BAHCC1: variants seen among roughly 807,000 people sequenced by gnomAD.
BAHCC1 encodes BAH and coiled-coil domain-containing protein 1.
A neutral mutation model predicts 88.2 loss-of-function variants in BAHCC1; 43 were observed. That is an observed-to-expected ratio of 0.49 (90% CI 0.38 to 0.63). BAHCC1 has a LOEUF of 0.63. BAHCC1 is among the 20% of genes least tolerant of loss of function. BAHCC1 has a pLI of 0.00. For synonymous variants in BAHCC1, 1,510 were observed against 745.5 expected (o/e 2.03, Z -16.71); for missense variants, 3,023 against 1,654.8 (o/e 1.83, Z -14.34).
Position 81,459,502 on chromosome 17 carries a change from G to A in BAHCC1, c.5803G>A (p.Asp1935Asn), listed in dbSNP as rs1555658531. 3.8e-6 allele frequency: 3 copies of A among 779,328 alleles called. No individual in the cohort carries two copies. The highest frequency in any genetic ancestry group is 7.2e-6 in the Non-Finnish European group (3 of 417,838). 48.3% of individuals were successfully genotyped at this position (779,328 alleles called of 1,614,324 possible). ...LEQLLQEAVL[D>N]VRPQSSRYLP... is the part of the protein sequence containing the mutation. ...GTCGCCCGCGTTCCTGCAGGTTCTCGATGTGCGGCCACAGTCCAGCCGGTA... is the reference window on the plus strand; with the variant it reads ...GTCGCCCGCGTTCCTGCAGGTTCTCAATGTGCGGCCACAGTCCAGCCGGTA... Residue 1935 changes from aspartate to asparagine, a missense_variant, in exon 23 of 28, where the codon GAT becomes AAT. Asp to Asn is a conservative substitution (Grantham distance 23). Transcript: ENST00000675386.
In BAHCC1 at chr17:81,464,471, G is replaced by A. The variant is rs1555660269; in HGVS notation, c.*654G>A. The stretch of plus-strand genomic sequence containing the variant: ...CTTGACGGCACCCTCTGATCTCTTG[G>A]GGGGACGACCGTGTAAGATGAAAGT... On this transcript the variant is annotated 3_prime_UTR_variant, in exon 28 of 28. Transcript: ENST00000675386. 6.5e-6 allele frequency: 1 copy of A among 154,108 alleles called. No individual in the cohort carries two copies. The highest frequency in any genetic ancestry group is 1.9e-4 in the East Asian group (1 of 5,204). The allele number at this position is 154,108 out of a possible 1,614,324, so 9.5% of individuals were successfully genotyped here. A position where few individuals can be genotyped will look rare whatever the true frequency, so the allele number is the denominator to read the frequency against.
chr17:81,457,071 G>A (rs782319198), intron 16 of BAHCC1, among the ~76,000 whole-genome samples: 1 of 152,182 alleles, frequency 6.6e-6, no homozygotes, highest in African/African-American at 2.4e-5. Flanking sequence ...GGCCGCTTGG[G>A]GCTGGGGGAG....
Position 81,464,497 on chromosome 17 carries a change from C to A in BAHCC1, c.*680C>A, listed in dbSNP as rs1318605270. 6.5e-6 allele frequency: 1 copy of A among 152,844 alleles called. No individual in the cohort carries two copies. Among genetic ancestry groups the A allele is most frequent in the East Asian group, 1.9e-4 (1 of 5,182 alleles). The allele number at this position is 152,844 out of a possible 1,614,324, so 9.5% of individuals were successfully genotyped here. On this transcript the variant is annotated 3_prime_UTR_variant, in exon 28 of 28. Coordinates refer to ENST00000675386, the MANE Select transcript of BAHCC1 (RefSeq NM_001377448.1). ...GGGGACGACCGTGTAAGATGAAAGT[C>A]GGTCAAGTTTATTTGCTTTCAGTGC...
intron 2 of BAHCC1, among the ~76,000 whole-genome samples, chr17:81,400,242 C>T (rs1225373726): frequency 1.3e-5 from 2 of 152,338 alleles, no homozygotes; most frequent in East Asian, 1.9e-4. Context: ...AACCTCTTTT[C>T]TGCATTCTGC....
At chr17:81,400,027 C>A in intron 2 of BAHCC1, 110 bp downstream of exon 2, 2 of 983,076 alleles carry the variant, frequency 2.0e-6, no homozygotes, top group Non-Finnish European at 2.6e-6. Context: ...TTCCCGGCCC[C>A]GGCCGCGGTG....
chr17:81,424,786 G>A (rs2064155541), intron 2 of BAHCC1, among the ~76,000 whole-genome samples: 1 of 151,822 alleles, frequency 6.6e-6, no homozygotes, highest in African/African-American at 2.4e-5. Context: ...GGTGGTGGGT[G>A]ATGTGGTTTG....
chr17:81,464,206 G>T lies in BAHCC1; in HGVS notation c.*389G>T. On this transcript the variant is annotated 3_prime_UTR_variant, in exon 28 of 28. Coordinates refer to ENST00000675386, the MANE Select transcript of BAHCC1 (RefSeq NM_001377448.1). Reference sequence around the variant, plus strand: ...GTGTGTTGTCTATTTATTTCTCTATGTAAATATTGTATTTCTGCGGGGAAA... The same window carrying T: ...GTGTGTTGTCTATTTATTTCTCTATTTAAATATTGTATTTCTGCGGGGAAA... 1 of 281,958 alleles carries T rather than the reference G, an allele frequency of 3.5e-6. No individual in the cohort carries two copies. The highest frequency in any genetic ancestry group is 6.8e-6 in the Non-Finnish European group (1 of 146,426). 17.5% of individuals were successfully genotyped at this position (281,958 alleles called of 1,614,324 possible).
intron 2 of BAHCC1, chr17:81,413,219 C>A: frequency 3.4e-6 from 1 of 290,464 alleles, no homozygotes; most frequent in Non-Finnish European, 6.9e-6. Context: ...ACCATGCCCC[C>A]CCCGGGCGCT....
At chr17:81,404,371 T>G (rs1454149669) in intron 2 of BAHCC1, among the ~76,000 whole-genome samples, 16 of 152,316 alleles carry the variant, frequency 1.1e-4, no homozygotes, top group Admixed American at 8.5e-4. Context: ...CCACTGAGCT[T>G]TGCATGAGTT....
In BAHCC1 at chr17:81,452,085, C is replaced by T; in HGVS notation, c.4294C>T (p.Leu1432=). The T allele has an allele frequency of 1.6e-6, 1 of 636,406 alleles. No individual in the cohort carries two copies. The highest frequency in any genetic ancestry group is 2.7e-5 in the East Asian group (1 of 36,762). 39.4% of individuals were successfully genotyped at this position (636,406 alleles called of 1,614,324 possible). Residue 1432 remains leucine, a synonymous_variant, in exon 13 of 28, where the codon CTG becomes TTG. Transcript: ENST00000675386. ...YKEKQRELAR[L]QRKHDHERDE... ...GGAGAAGCAGCGGGAGCTGGCCCGC[C>T]TGCAGCGCAAGCACGACCATGAGTA...
At position 81,462,653 on chromosome 17, in the gene BAHCC1, C is replaced by T. The variant is rs2030405295; in HGVS notation, c.7384-87C>T. 6 of 678,976 alleles carry T rather than the reference C, an allele frequency of 8.8e-6. No homozygotes were observed. In the East Asian group the frequency reaches 1.5e-4, roughly 17 times the overall value. 42.1% of individuals were successfully genotyped at this position (678,976 alleles called of 1,614,324 possible). A position where few individuals can be genotyped will look rare whatever the true frequency, so the allele number is the denominator to read the frequency against. Reference sequence around the variant, plus strand: ...TCACACTCAGACTCACACTCACACCCACACCACACCCTCCATGCCTCCTGG... The same window carrying T: ...TCACACTCAGACTCACACTCACACCTACACCACACCCTCCATGCCTCCTGG... On this transcript the variant is annotated intron_variant, in intron 26 of 27. Transcript: ENST00000675386.
chr17:81,462,847 G>A lies in BAHCC1; in HGVS notation c.7491G>A (p.Arg2497=). ...GTGCCGTCTTCCTGTCAGCTGGGCG[G>A]CCCAACCTCCCCTACATCGGCCGCA... ...GDCAVFLSAG[R]PNLPYIGRIE... The change falls in exon 27 of 28, where the codon CGG becomes CGA. Residue 2497 remains arginine, a synonymous_variant. Transcript: ENST00000675386. 1 of 781,626 alleles carries A rather than the reference G, an allele frequency of 1.3e-6. No homozygotes were observed. Among genetic ancestry groups the A allele is most frequent in the South Asian group, 1.3e-5 (1 of 74,658 alleles). The allele number at this position is 781,626 out of a possible 1,614,324, so 48.4% of individuals were successfully genotyped here. A position where few individuals can be genotyped will look rare whatever the true frequency, so the allele number is the denominator to read the frequency against.
intron 2 of BAHCC1, among the ~76,000 whole-genome samples, chr17:81,418,234 C>T (rs913969566): frequency 6.6e-6 from 1 of 152,206 alleles, no homozygotes; most frequent in Admixed American, 6.5e-5. Flanking sequence ...GGACAGTTTG[C>T]GGGCCCTGGA....
At chr17:81,425,813 G>A (rs558836854) in intron 2 of BAHCC1, among the ~76,000 whole-genome samples, 1 of 148,192 alleles carries the variant, frequency 6.7e-6, no homozygotes. Context: ...GGGTCGTGGT[G>A]GTGGTGGGTA....
rs191091385 is a variant in BAHCC1, at chr17:81,437,276, C to T, written c.359-1094C>T. Among the ~76,000 whole-genome samples, 566 of 152,376 alleles carry T rather than the reference C, an allele frequency of 3.7e-3. 2 individuals are homozygous for T. Among genetic ancestry groups the T allele is most frequent in the Non-Finnish European group, 6.4e-3 (433 of 68,038 alleles). ...CCCAACCACAGCCAGCCGCTCGGCC[C>T]TCACGTTCAGGCAGCTGCTAAGGCA... On this transcript the variant is annotated intron_variant, in intron 3 of 27. Coordinates refer to ENST00000675386, the MANE Select transcript of BAHCC1 (RefSeq NM_001377448.1).
In BAHCC1 at chr17:81,461,131, C is replaced by A. The variant is rs1555659157; in HGVS notation, c.6468C>A (p.Asp2156Glu). ...TATTTGGCAACGGCTTCCGCGCCGA[C>A]TCCTTCAGCAGCCTGGCCAGCTCCT... ...TPIFGNGFRA[D>E]SFSSLASSYA... Residue 2156 changes from aspartate (D) to glutamate (E), a missense_variant, in exon 26 of 28, where the codon GAC becomes GAA. Asp to Glu is a conservative substitution (Grantham distance 45, BLOSUM62 2). Transcript: ENST00000675386. The A allele has an allele frequency of 1.3e-6, 1 of 763,422 alleles. No homozygotes were observed. Among genetic ancestry groups the A allele is most frequent in the Non-Finnish European group, 2.4e-6 (1 of 415,922 alleles). The allele number at this position is 763,422 out of a possible 1,614,324, so 47.3% of individuals were successfully genotyped here.
In BAHCC1 at chr17:81,435,426, C is replaced by T. The variant is rs1468429865; in HGVS notation, c.359-2944C>T. On this transcript the variant is annotated intron_variant, in intron 3 of 27. Transcript: ENST00000675386. This position sits in a 1 kb window ranked among gnomAD's most constrained non-coding sequence, Gnocchi z 4.4. ...CCCCCACTGCCCCCAGGGCTCTTCC[C>T]CACGCTCCACCAGGCTCCGAGGGCA... 2 of 470,016 alleles carry T rather than the reference C, an allele frequency of 4.3e-6. No homozygotes were observed. The highest frequency in any genetic ancestry group is 8.8e-6 in the Non-Finnish European group (2 of 226,912). 29.1% of individuals were successfully genotyped at this position (470,016 alleles called of 1,614,324 possible). A position where few individuals can be genotyped will look rare whatever the true frequency, so the allele number is the denominator to read the frequency against.
rs782190753 is a variant in BAHCC1, at chr17:81,444,423, G to A, written c.2367G>A (p.Pro789=). The A allele has an allele frequency of 2.0e-5, 15 of 749,382 alleles. No individual in the cohort carries two copies. Among genetic ancestry groups the A allele is most frequent in the Middle Eastern group, 2.3e-4 (1 of 4,354 alleles). The allele number at this position is 749,382 out of a possible 1,614,324, so 46.4% of individuals were successfully genotyped here. The change falls in exon 7 of 28, where the codon CCG becomes CCA. Residue 789 remains proline (P), a synonymous_variant. Coordinates refer to ENST00000675386, the MANE Select transcript of BAHCC1 (RefSeq NM_001377448.1). ...DRVEFARIHP[P]SSCPGDLAPH... ...TAGAGTTCGCCCGGATCCACCCACC[G>A]AGCAGCTGCCCTGGGGACCTGGCCC...
At position 81,455,253 on chromosome 17, in the gene BAHCC1, C is replaced by G; in HGVS notation, c.4446-14C>G. The stretch of plus-strand genomic sequence containing the variant: ...GCCTGCATCTGCCCTGCACCCACCA[C>G]CCCATGCCCCCAGGGCGGTGCGGAC... On this transcript the variant is annotated splice_polypyrimidine_tract_variant and intron_variant, in intron 14 of 27. Transcript: ENST00000675386. The G allele has an allele frequency of 1.4e-6, 1 of 713,378 alleles. No individual in the cohort carries two copies. Among genetic ancestry groups the G allele is most frequent in the Non-Finnish European group, 2.6e-6 (1 of 384,716 alleles). The allele number at this position is 713,378 out of a possible 1,614,324, so 44.2% of individuals were successfully genotyped here. A position where few individuals can be genotyped will look rare whatever the true frequency, so the allele number is the denominator to read the frequency against.
Sources: gnomAD v4.1 joint callset for allele counts (sites outside exome capture counted in the v4.1 genomes callset) on GRCh38, gnomAD v4.1.1 for gene constraint, Gnocchi (gnomAD v3.1) non-coding constraint, MANE v1.5 for transcripts, NCBI Gene and HGNC (gene_info 2026-07-23, HGNC 2026-07-21) for gene names.